ATRNL1: variants seen among roughly 807,000 people sequenced by gnomAD.
ATRNL1 encodes the protein attractin like 1.
A neutral mutation model predicts 182.7 loss-of-function variants in ATRNL1; 95 were observed. The observed-to-expected ratio is 0.52, with a 90% CI of 0.44 to 0.62. The LOEUF (loss-of-function observed/expected upper bound fraction) is 0.62, where lower values mean the gene tolerates loss of function less well. Ranked by LOEUF, ATRNL1 falls within the 20% of genes least tolerant of loss-of-function variation. ATRNL1 has a pLI of 0.00. For missense variants in ATRNL1, 1,471 were observed against 1,679.5 expected (o/e 0.88, Z 2.17); for synonymous variants, 576 against 568.3 (o/e 1.01, Z -0.19).
intron 28 of ATRNL1, among the ~76,000 whole-genome samples, chr10:115,904,388 A>G (rs1952440177): frequency 6.6e-6 from 1 of 152,188 alleles, no homozygotes; most frequent in Non-Finnish European, 1.5e-5. Context: ...TTCCTCCTGC[A>G]GTGTGGCTGT....
chr10:115,806,983 T>C (rs190662004), intron 27 of ATRNL1, among the ~76,000 whole-genome samples: 266 of 152,226 alleles, frequency 1.7e-3, no homozygotes, highest in African/African-American at 6.3e-3. Flanking sequence ...ACCTCTGGAG[T>C]CAAATCTTAA....
intron 10 of ATRNL1, among the ~76,000 whole-genome samples, chr10:115,262,962 TCG>T (rs1851453489): frequency 6.6e-6 from 1 of 151,874 alleles, no homozygotes; most frequent in African/African-American, 2.4e-5. Flanking sequence ...TCTAGTAAAA[TCG>T]AAGTTGTGTC....
At chr10:115,187,699 T>C (rs1207807185) in intron 8 of ATRNL1, among the ~76,000 whole-genome samples, 1 of 142,670 alleles carries the variant, frequency 7.0e-6, no homozygotes, top group African/African-American at 2.6e-5. Context: ...TTCTTTTTTC[T>C]TTTTTTTTTT....
intron 27 of ATRNL1, among the ~76,000 whole-genome samples, chr10:115,819,577 T>C (rs1210180484): frequency 6.6e-6 from 1 of 152,136 alleles, no homozygotes; most frequent in African/African-American, 2.4e-5. Context: ...ATCCCTTTTT[T>C]ATTATCATTC....
At chr10:115,512,517 A>C (rs1850435193) in intron 24 of ATRNL1, among the ~76,000 whole-genome samples, 1 of 151,244 alleles carries the variant, frequency 6.6e-6, no homozygotes. Context: ...ATTTATATTT[A>C]TAAATATTTC....
At chr10:115,203,745 ATTTT>A (rs71476116) in intron 8 of ATRNL1, among the ~76,000 whole-genome samples, 19 of 105,976 alleles carry the variant, frequency 1.8e-4, no homozygotes, top group South Asian at 6.2e-4. Context: ...ATGCCTGGCT[ATTTT>A]TTTTTTTTTT....
At chr10:115,253,016 G>C (rs145314467) in intron 10 of ATRNL1, among the ~76,000 whole-genome samples, 294 of 152,282 alleles carry the variant, frequency 1.9e-3, no homozygotes, top group African/African-American at 6.7e-3. Flanking sequence ...GGCAATGTAT[G>C]ATCCAGCTCT....
chr10:115,213,098 G>A (rs1849094164), intron 8 of ATRNL1, among the ~76,000 whole-genome samples: 2 of 152,064 alleles, frequency 1.3e-5, no homozygotes, highest in African/African-American at 4.8e-5. Context: ...ATTCATCTCA[G>A]TGTTAGTATT....
intron 28 of ATRNL1, among the ~76,000 whole-genome samples, chr10:115,938,246 T>G (rs1953621490): frequency 6.6e-6 from 1 of 152,242 alleles, no homozygotes; most frequent in Admixed American, 6.5e-5. Flanking sequence ...TGCTGAAGTC[T>G]GCTATTACCA....
intron 19 of ATRNL1, among the ~76,000 whole-genome samples, chr10:115,361,762 T>C (rs1856759306): frequency 6.6e-6 from 1 of 152,054 alleles, no homozygotes; most frequent in African/African-American, 2.4e-5. Context: ...CTGTAAAATG[T>C]AAATTTTATA....
At chr10:115,915,225 G>T (rs782001343) in intron 28 of ATRNL1, among the ~76,000 whole-genome samples, 1 of 151,984 alleles carries the variant, frequency 6.6e-6, no homozygotes, top group Non-Finnish European at 1.5e-5. Flanking sequence ...GTGAAAGCCC[G>T]TCTCTACTAA....
Position 115,524,454 on chromosome 10 carries a change from C to A in ATRNL1, c.3716+5130C>A, listed in dbSNP as rs1592783827. Among the ~76,000 whole-genome samples, 3 of 152,068 alleles carry A rather than the reference C, an allele frequency of 2.0e-5. No individual in the cohort carries two copies. In the South Asian group the frequency reaches 6.2e-4, roughly 32 times the overall value. On this transcript the variant is annotated intron_variant, in intron 25 of 28. Coordinates refer to ENST00000355044, the MANE Select transcript of ATRNL1 (RefSeq NM_207303.4). ...AATGGAAAAGTAGATGTATCTGAGT[C>A]AGAAAAGTCTGAATTATTTATTTTA...
intron 28 of ATRNL1, among the ~76,000 whole-genome samples, chr10:115,926,918 A>G (rs1953253701): frequency 6.6e-6 from 1 of 152,170 alleles, no homozygotes; most frequent in Non-Finnish European, 1.5e-5. Context: ...TCATTTTATG[A>G]AGCCAGCATC....
chr10:115,917,038 C>T (rs1589690993), intron 28 of ATRNL1, among the ~76,000 whole-genome samples: 1 of 152,152 alleles, frequency 6.6e-6, no homozygotes, highest in African/African-American at 2.4e-5. Flanking sequence ...CCTTACAGGT[C>T]GTACAGTCCA....
chr10:115,588,910 A>G (rs780301473), intron 26 of ATRNL1, among the ~76,000 whole-genome samples: 19 of 152,254 alleles, frequency 1.2e-4, no homozygotes, highest in Non-Finnish European at 2.4e-4. Flanking sequence ...TAAAACAAGT[A>G]TAAGTAATTT....
At chr10:115,387,749 G>A (rs1843741799) in intron 19 of ATRNL1, among the ~76,000 whole-genome samples, 1 of 152,004 alleles carries the variant, frequency 6.6e-6, no homozygotes, top group Non-Finnish European at 1.5e-5. Context: ...CATCTATGTA[G>A]CATGTATTAG....
chr10:115,403,856 TG>T (rs2134312565), intron 20 of ATRNL1, among the ~76,000 whole-genome samples: 1 of 152,348 alleles, frequency 6.6e-6, no homozygotes, highest in East Asian at 1.9e-4. Flanking sequence ...TAAGCAGCCT[TG>T]ATGTCTAATA....
chr10:115,873,706 G>A (rs1951636835), intron 28 of ATRNL1, among the ~76,000 whole-genome samples: 1 of 152,180 alleles, frequency 6.6e-6, no homozygotes, highest in African/African-American at 2.4e-5. Context: ...ATTTAGGTTA[G>A]CATTTTGATT....
chr10:115,198,544 A>G (rs1463140462), intron 8 of ATRNL1, among the ~76,000 whole-genome samples: 7 of 152,002 alleles, frequency 4.6e-5, no homozygotes, highest in Non-Finnish European at 1.0e-4. Flanking sequence ...TGCTTTTGTT[A>G]CCTGTGCTTT....
Sources: gnomAD v4.1 joint callset for allele counts (sites outside exome capture counted in the v4.1 genomes callset) on GRCh38, gnomAD v4.1.1 for gene constraint, MANE v1.5 for transcripts, NCBI Gene and HGNC (gene_info 2026-07-23, HGNC 2026-07-21) for gene names.